Variants in GRIP2 observed in about 807,000 individuals in gnomAD.
GRIP2 encodes the protein glutamate receptor-interacting protein 2.
GRIP2 carries 58 observed loss-of-function variants against 108.3 expected under a neutral mutation model. The observed-to-expected ratio is 0.54, with a 90% CI of 0.43 to 0.67. GRIP2 has a LOEUF of 0.67. Ranked by LOEUF, GRIP2 falls within the 30% of genes least tolerant of loss-of-function variation. The probability of loss-of-function intolerance (pLI) is 0.00; values close to 1 mark genes in which losing one functional copy is unlikely to be tolerated. For missense variants in GRIP2, 1,278 were observed against 1,430.6 expected, an observed-to-expected ratio of 0.89 and a Z score of 1.72; for synonymous variants, 586 against 598.2, an observed-to-expected ratio of 0.98 and a Z score of 0.30.
chr3:14,587,761 A>G, the GRIP2 span, among the ~76,000 whole-genome samples: 1 of 152,086 alleles, frequency 6.6e-6, no homozygotes, highest in African/African-American at 2.4e-5. Flanking sequence ...TGGCCTCTAC[A>G]GAAAGGGTTG....
At chr3:14,513,907 C>T (rs912486878) in intron 12 of GRIP2, 97 bp from the exon 13 acceptor site, 4 of 1,408,504 alleles carry the variant, frequency 2.8e-6, no homozygotes, top group African/African-American at 2.8e-5. Flanking sequence ...TGGGTCACAC[C>T]TCCTGGTCTG....
At chr3:14,503,743 G>C in intron 20 of GRIP2, 72 bp from the exon 21 acceptor site, 1 of 845,620 alleles carries the variant, frequency 1.2e-6, no homozygotes, top group South Asian at 1.6e-5. Flanking sequence ...AGGAGTCTTC[G>C]GGGCCCCAGG....
At chr3:14,600,608 C>A in the GRIP2 span, among the ~76,000 whole-genome samples, 1 of 152,188 alleles carries the variant, frequency 6.6e-6, no homozygotes, top group Non-Finnish European at 1.5e-5. Context: ...GGCCCTGTCC[C>A]TGCATCTATC....
intron 9 of GRIP2, 40 bp from the exon 10 acceptor site, chr3:14,517,937 T>C: frequency 1.3e-6 from 2 of 1,496,392 alleles, no homozygotes; most frequent in Non-Finnish European, 1.8e-6. Flanking sequence ...GGTGCAGGCG[T>C]TAGTGGCTGA....
the GRIP2 span, among the ~76,000 whole-genome samples, chr3:14,592,561 G>A: frequency 6.6e-6 from 1 of 152,198 alleles, no homozygotes; most frequent in Admixed American, 6.5e-5. Flanking sequence ...GTGGACCCAT[G>A]TTTAGCTGTC....
Position 14,509,946 on chromosome 3 carries a change from C to T in GRIP2, c.1952G>A (p.Gly651Asp), listed in dbSNP as rs201233751. 1.3e-4 allele frequency: 192 copies of T among 1,524,568 alleles called. No individual in the cohort carries two copies. Among genetic ancestry groups the T allele is most frequent in the Non-Finnish European group, 1.4e-4 (162 of 1,131,830 alleles). 94.4% of individuals were successfully genotyped at this position (1,524,568 alleles called of 1,614,324 possible). The stretch of plus-strand genomic sequence containing the variant: ...CAGCTCCACTGTGTAACTGACGGCA[C>T]CTGTGGTCTCCAGCTCATCTGCAAG... Reference protein sequence around the residue: ...EDNSDELETTGAVSYTVELKR... With the variant: ...EDNSDELETTDAVSYTVELKR... Residue 651 changes from glycine to aspartate, a missense_variant, in exon 17 of 24, where the codon GGT (glycine) becomes GAT (aspartate). Transcript: ENST00000621039.
intron 16 of GRIP2, 105 bp from the exon 17 acceptor site, chr3:14,510,069 C>T (rs1694041160): frequency 9.4e-7 from 1 of 1,067,830 alleles, no homozygotes; most frequent in Non-Finnish European, 1.2e-6. Context: ...AATTCATTCA[C>T]CCAGTCACTC....
At chr3:14,592,962 C>T in the GRIP2 span, among the ~76,000 whole-genome samples, 13 of 152,116 alleles carry the variant, frequency 8.5e-5, no homozygotes, top group East Asian at 7.7e-4. Flanking sequence ...AACAAGGACA[C>T]GGAGCCACAA....
chr3:14,569,610 T>G, the GRIP2 span, among the ~76,000 whole-genome samples: 1 of 152,132 alleles, frequency 6.6e-6, no homozygotes, highest in Admixed American at 6.5e-5. Context: ...GGGGAACCAG[T>G]TGTTTCCCAG....
upstream of GRIP2, among the ~76,000 whole-genome samples, chr3:14,544,862 AC>A (rs1233287304): frequency 1.3e-5 from 2 of 151,858 alleles, no homozygotes; most frequent in African/African-American, 2.4e-5. Flanking sequence ...GCACTAGGGG[AC>A]CCCCTCTTAG....
In GRIP2 at chr3:14,507,043, G is replaced by A. The variant is rs1693952080; in HGVS notation, c.2219-63C>T. The A allele has an allele frequency of 6.9e-7, 1 of 1,456,780 alleles. No homozygotes were observed. The highest frequency in any genetic ancestry group is 9.3e-7 in the Non-Finnish European group (1 of 1,075,560). The allele number at this position is 1,456,780 out of a possible 1,614,324, so 90.2% of individuals were successfully genotyped here. A position where few individuals can be genotyped will look rare whatever the true frequency, so the allele number is the denominator to read the frequency against. Reference sequence around the variant, plus strand: ...ACACTCACAGTGAGCCTCAGTTTCTGCATTTCAGCCTGGTCTGGAAACTCA... The same window carrying A: ...ACACTCACAGTGAGCCTCAGTTTCTACATTTCAGCCTGGTCTGGAAACTCA... On this transcript the variant is annotated intron_variant, in intron 18 of 23. Transcript: ENST00000621039. The surrounding 1 kb of genome is among the most constrained non-coding windows in gnomAD (Gnocchi z 4.6).
intron 21 of GRIP2, among the ~76,000 whole-genome samples, chr3:14,497,883 G>T (rs1166764542): frequency 6.6e-6 from 1 of 152,204 alleles, no homozygotes; most frequent in Non-Finnish European, 1.5e-5. Context: ...GCTCTAAGCT[G>T]CCAGTCAGGA....
chr3:14,541,984 C>T (rs368002226), upstream of GRIP2: 102 of 1,352,038 alleles, frequency 7.5e-5, no homozygotes, highest in Middle Eastern at 2.1e-4. Flanking sequence ...TTCAACCACG[C>T]GGGAAGGAAT....
the GRIP2 span, among the ~76,000 whole-genome samples, chr3:14,561,977 A>G: frequency 7.9e-4 from 120 of 152,382 alleles, no homozygotes; most frequent in Non-Finnish European, 1.1e-3. Context: ...GTGGAGGTAC[A>G]GCCACCAAGG....
chr3:14,507,323 C>G lies in GRIP2; in HGVS notation c.2218+238G>C, dbSNP rs1693958233. On this transcript the variant is annotated intron_variant, in intron 18 of 23. Coordinates refer to ENST00000621039, the MANE Select transcript of GRIP2 (RefSeq NM_001080423.4). This position sits in a 1 kb window ranked among gnomAD's most constrained non-coding sequence, Gnocchi z 4.6. ...GCCATGAAGCATACACACGTGAGCA[C>G]CTTAAGAGGCAGGAAGTAATGAAGA... Among the ~76,000 whole-genome samples, 1 of 152,236 alleles carries G rather than the reference C, an allele frequency of 6.6e-6. No homozygotes were observed. The highest frequency in any genetic ancestry group is 2.1e-4 in the South Asian group (1 of 4,834).
chr3:14,528,788 CT>C (rs1455200860), intron 1 of GRIP2, among the ~76,000 whole-genome samples: 4 of 152,118 alleles, frequency 2.6e-5, no homozygotes, highest in Non-Finnish European at 5.9e-5. Flanking sequence ...AGGTTGGGCA[CT>C]TTTTTTAACT....
At chr3:14,504,223 A>C (rs1320308263) in intron 20 of GRIP2, among the ~76,000 whole-genome samples, 1 of 151,942 alleles carries the variant, frequency 6.6e-6, no homozygotes, top group Non-Finnish European at 1.5e-5. Flanking sequence ...TTCACAATTC[A>C]CATTTTGACA....
At chr3:14,534,349 TG>T (rs1239479942) in intron 1 of GRIP2, among the ~76,000 whole-genome samples, 1 of 151,750 alleles carries the variant, frequency 6.6e-6, no homozygotes, top group Non-Finnish European at 1.5e-5. Context: ...GAAAACCCCT[TG>T]GGGGGGTCAG....
chr3:14,535,090 C>A (rs969138102), intron 1 of GRIP2, among the ~76,000 whole-genome samples: 1 of 151,960 alleles, frequency 6.6e-6, no homozygotes, highest in Non-Finnish European at 1.5e-5. Context: ...TTTGCAGGGA[C>A]GGTGAGCTGT....
Sources: allele counts gnomAD v4.1 joint callset (sites outside exome capture counted in the v4.1 genomes callset), GRCh38; gene constraint gnomAD v4.1.1; non-coding constraint Gnocchi (gnomAD v3.1); transcripts MANE v1.5; gene names NCBI Gene and HGNC (gene_info 2026-07-23, HGNC 2026-07-21).